Variants in ZFYVE26 observed in about 807,000 individuals in gnomAD.
The protein encoded by ZFYVE26 is zinc finger FYVE-type containing 26.
Under a neutral mutation model 276.5 loss-of-function variants are expected in ZFYVE26, and 181 were observed. The observed-to-expected ratio is 0.65, with a 90% CI of 0.58 to 0.74. The LOEUF (loss-of-function observed/expected upper bound fraction) is 0.74, where lower values mean the gene tolerates loss of function less well. ZFYVE26 is among the 30% of genes least tolerant of loss of function. The probability of loss-of-function intolerance (pLI) is 0.00; values close to 1 mark genes in which losing one functional copy is unlikely to be tolerated. For synonymous variants in ZFYVE26, 1,129 were observed against 1,203.1 expected (o/e 0.94, Z 1.27); for missense variants, 2,821 against 3,097.9 (o/e 0.91, Z 2.12).
Position 67,783,308 on chromosome 14 carries a change from G to C in ZFYVE26, c.3844C>G (p.Pro1282Ala), listed in dbSNP as rs771764470. ...TPSSPRTTENPTLERKPYSSP... is the reference protein window; with the variant it reads ...TPSSPRTTENATLERKPYSSP... ...GAGTAGGGCTTTCTTTCCAATGTAG[G>C]GTTCTCAGTTGTCCTCGGGGAGCTC... Residue 1282 changes from proline to alanine, a missense_variant, in exon 21 of 42, where the codon CCT becomes GCT. Pro to Ala is a conservative substitution (Grantham distance 27). Transcript: ENST00000347230. 4.3e-6 allele frequency: 7 copies of C among 1,612,970 alleles called. No homozygotes were observed. In the Admixed American group the frequency reaches 1.0e-4, roughly 23 times the overall value.
chr14:67,729,430 G>A (rs1421081827), exon 14 of ZFYVE26: 4 of 1,554,160 alleles, frequency 2.6e-6, no homozygotes, highest in Admixed American at 1.7e-5. Context: ...CATGGGAGGT[G>A]CCGGACTCGC....
Position 67,766,290 on chromosome 14 carries a change from A to G in ZFYVE26, c.5948T>C (p.Leu1983Pro), listed in dbSNP as rs1236459068. The G allele has an allele frequency of 1.9e-6, 3 of 1,613,966 alleles. No individual in the cohort carries two copies. Among genetic ancestry groups the G allele is most frequent in the Non-Finnish European group, 2.5e-6 (3 of 1,180,044 alleles). Reference sequence around the variant, plus strand: ...GACGAACATCATCTTGGCGCTGAACAGCAGCTGCTTCATGATGTCCGTGAG... The same window carrying G: ...GACGAACATCATCTTGGCGCTGAACGGCAGCTGCTTCATGATGTCCGTGAG... ...GLLTDIMKQLLFSAKMMFVKA... is the reference protein window; with the variant it reads ...GLLTDIMKQLPFSAKMMFVKA... Residue 1983 changes from leucine to proline, a missense_variant, in exon 32 of 42, where the codon CTG (leucine) becomes CCG (proline). Transcript: ENST00000347230.
chr14:67,809,444 A>G (rs148256601), intron 3 of ZFYVE26, among the ~76,000 whole-genome samples, 155 bp from the exon 4 acceptor site: 2 of 133,950 alleles, frequency 1.5e-5, no homozygotes, highest in African/African-American at 5.8e-5. Context: ...TTATTTTGAG[A>G]CAGAGTCTTG....
At position 67,797,747 on chromosome 14, in the gene ZFYVE26, G is replaced by T. The variant is rs201833051; in HGVS notation, c.2257C>A (p.Pro753Thr). 5 of 1,614,012 alleles carry T rather than the reference G, an allele frequency of 3.1e-6. No individual in the cohort carries two copies. The Admixed American group carries it at 5.0e-5, about 16-fold the overall frequency. ...VTSNHRSEEQ[P>T]SRRYQPATRH... Reference sequence around the variant, plus strand: ...GTGGCAGGCTGGTATCTTCGGGAAGGTTGCTCCTCTGAAAGAGCAAACCCA... The same window carrying T: ...GTGGCAGGCTGGTATCTTCGGGAAGTTTGCTCCTCTGAAAGAGCAAACCCA... The change falls in exon 12 of 42, where the codon CCT (proline) becomes ACT (threonine). Residue 753 changes from proline to threonine, a missense_variant. Physicochemically the swap from Pro to Thr is conservative, Grantham distance 38 (BLOSUM62 -1). Coordinates refer to ENST00000347230, the MANE Select transcript of ZFYVE26 (RefSeq NM_015346.4).
At chr14:67,736,559 A>G (rs1317667627) in intron 13 of ZFYVE26, among the ~76,000 whole-genome samples, 1 of 152,220 alleles carries the variant, frequency 6.6e-6, no homozygotes, top group African/African-American at 2.4e-5. Context: ...ATATAGAAGA[A>G]TATCTTTATG....
At chr14:67,755,364 T>A in intron 36 of ZFYVE26, 114 bp from the exon 37 acceptor site, 1 of 1,212,552 alleles carries the variant, frequency 8.2e-7, no homozygotes, top group Non-Finnish European at 1.2e-6. Flanking sequence ...CAGCACCCAC[T>A]CCCACCACCA....
Position 67,815,983 on chromosome 14 carries a change from G to C in ZFYVE26, c.-20C>G. The C allele has an allele frequency of 1.3e-6, 2 of 1,593,220 alleles. No individual in the cohort carries two copies. Among genetic ancestry groups the C allele is most frequent in the Non-Finnish European group, 1.7e-6 (2 of 1,169,886 alleles). On this transcript the variant is annotated 5_prime_UTR_variant, in exon 2 of 42. Transcript: ENST00000347230. ...ATTCATTTTCCCAGCACAGAGTGCAGGGAGATACAAAGAAATGAGTTATGC... is the reference window on the plus strand; with the variant it reads ...ATTCATTTTCCCAGCACAGAGTGCACGGAGATACAAAGAAATGAGTTATGC...
intron 23 of ZFYVE26, 29 bp downstream of exon 23, chr14:67,780,212 A>C (rs2039461515): frequency 6.3e-7 from 1 of 1,595,932 alleles, no homozygotes; most frequent in South Asian, 1.1e-5. Flanking sequence ...AAGGAGGATG[A>C]AGGGGAACAC....
At chr14:67,735,014 C>T (rs920109547) in intron 13 of ZFYVE26, among the ~76,000 whole-genome samples, 1 of 152,190 alleles carries the variant, frequency 6.6e-6, no homozygotes, top group African/African-American at 2.4e-5. Context: ...TATTTTAAAT[C>T]TGAAAGTTTC....
At chr14:67,757,385 T>C (rs1292671176) in intron 35 of ZFYVE26, among the ~76,000 whole-genome samples, 2 of 152,238 alleles carry the variant, frequency 1.3e-5, no homozygotes, top group East Asian at 1.9e-4. Context: ...CCTGTCCTAG[T>C]GGACTCTGCT....
At chr14:67,733,347 G>T (rs2038310510) in intron 13 of ZFYVE26, among the ~76,000 whole-genome samples, 2 of 152,078 alleles carry the variant, frequency 1.3e-5, no homozygotes, top group South Asian at 4.1e-4. Flanking sequence ...CTGAGATTTG[G>T]CATTTTCTTC....
intron 13 of ZFYVE26, among the ~76,000 whole-genome samples, chr14:67,736,787 A>G (rs2038357977): frequency 6.6e-6 from 1 of 152,198 alleles, no homozygotes; most frequent in South Asian, 2.1e-4. Flanking sequence ...TAGGATTGGT[A>G]TCTATAGGGG....
chr14:67,752,851 T>C (rs961621212), intron 39 of ZFYVE26, among the ~76,000 whole-genome samples: 10 of 152,156 alleles, frequency 6.6e-5, no homozygotes, highest in Admixed American at 6.5e-4. Context: ...TGGGGGATGG[T>C]ATTTGCTGCC....
intron 24 of ZFYVE26, 26 bp from the exon 25 acceptor site, chr14:67,777,761 G>T (rs768918271): frequency 6.2e-7 from 1 of 1,613,784 alleles, no homozygotes; most frequent in South Asian, 1.1e-5. Flanking sequence ...AGAGGAGGAA[G>T]GTGTGGCCTG....
intron 16 of ZFYVE26, among the ~76,000 whole-genome samples, chr14:67,787,154 G>A (rs979663364): frequency 6.6e-6 from 1 of 152,082 alleles, no homozygotes; most frequent in African/African-American, 2.4e-5. Context: ...AGGCTGAGGT[G>A]GGTGGATGGT....
chr14:67,806,505 C>T (rs1421394564), intron 6 of ZFYVE26, 40 bp downstream of exon 6: 3 of 1,613,090 alleles, frequency 1.9e-6, no homozygotes, highest in Admixed American at 1.7e-5. Flanking sequence ...TGGGGAGAAT[C>T]CCTGGGTACC....
rs117292229 is a variant in ZFYVE26 at position 67,730,156 on chromosome 14, C to T, written n.2680-337G>A. 4.4e-3 allele frequency among the ~76,000 whole-genome samples: 670 copies of T among 152,298 alleles called. 34 individuals carry two copies. In the East Asian group the frequency reaches 0.1, roughly 23 times the overall value. On this transcript the variant is annotated intron_variant and non_coding_transcript_variant, in intron 13 of 14. Coordinates refer to the ZFYVE26 transcript ENST00000394455. ...ATATAATCATCACAACCCTGCGAGG[C>T]AGGTAATATTACCCCAAGTTTTCAC...
At chr14:67,814,147 C>T in intron 2 of ZFYVE26, 83 bp from the exon 3 acceptor site, 8 of 1,136,638 alleles carry the variant, frequency 7.0e-6, no homozygotes, top group South Asian at 1.3e-5. Flanking sequence ...GATTTCATTG[C>T]TTATTCTGTT....
In ZFYVE26 at chr14:67,807,777, C is replaced by A; in HGVS notation, c.507G>T (p.Gln169His). The change falls in exon 5 of 42, where the codon CAG becomes CAT. Residue 169 changes from glutamine to histidine, a missense_variant. Gln to His is a conservative substitution (Grantham distance 24, BLOSUM62 0). Coordinates refer to ENST00000347230, the MANE Select transcript of ZFYVE26 (RefSeq NM_015346.4). The part of the protein sequence containing the change: ...DLLRQSPQPA[Q>H]ALLELLLEED... ...CCTCAAGCAGGAGCTCCAGCAGGGC[C>A]TGTGCTGGCTGGGGAGACTGCCTCA... The A allele has an allele frequency of 6.2e-7, 1 of 1,614,234 alleles. No homozygotes were observed. Among genetic ancestry groups the A allele is most frequent in the Non-Finnish European group, 8.5e-7 (1 of 1,180,034 alleles).
Sources: gnomAD v4.1 joint callset for allele counts (sites outside exome capture counted in the v4.1 genomes callset) on GRCh38, gnomAD v4.1.1 for gene constraint, MANE v1.5 for transcripts, NCBI Gene and HGNC (gene_info 2026-07-23, HGNC 2026-07-21) for gene names.